The following DUSP19 variants were observed in gnomAD, a reference collection of about 807,000 sequenced individuals.
The protein encoded by DUSP19 is dual specificity phosphatase 19.
DUSP19 carries 14 observed loss-of-function variants against 16.6 expected under a neutral mutation model. That is an observed-to-expected ratio of 0.84 (90% CI 0.56 to 1.32). The LOEUF (loss-of-function observed/expected upper bound fraction) is 1.32, where lower values mean the gene tolerates loss of function less well. DUSP19 is among the 40% of genes most tolerant of loss of function. The pLI is 0.00. For synonymous variants in DUSP19, 81 were observed against 90.5 expected (o/e 0.90, Z 0.59); for missense variants, 258 against 255.9 (o/e 1.01, Z -0.06).
chr2:183,094,526 A>C (rs182407601), intron 3 of DUSP19, among the ~76,000 whole-genome samples: 2 of 152,302 alleles, frequency 1.3e-5, no homozygotes, highest in East Asian at 3.9e-4. Flanking sequence ...AAGCTGTATC[A>C]ATGCTGTCCC....
At chr2:183,087,615 T>C (rs3748880) in intron 3 of DUSP19, among the ~76,000 whole-genome samples, 17,530 of 152,260 alleles carry the variant, frequency 0.12, 1,210 homozygotes, top group African/African-American at 0.19. Context: ...CAATAGCCAA[T>C]GTCATATAGT....
chr2:183,086,601 G>C (rs562204791), intron 2 of DUSP19, among the ~76,000 whole-genome samples: 1 of 146,134 alleles, frequency 6.8e-6, no homozygotes, highest in African/African-American at 2.6e-5. Context: ...GAGGCCAGGA[G>C]TTCGAGACCA....
At chr2:183,085,897 G>A (rs72890352) in intron 2 of DUSP19, among the ~76,000 whole-genome samples, 3,601 of 106,426 alleles carry the variant, frequency 0.034, 82 homozygotes, top group Middle Eastern at 0.06. Context: ...GCAGAGTCTC[G>A]CTCATTTGCT....
At chr2:183,082,264 GA>G (rs921257470) in intron 1 of DUSP19, among the ~76,000 whole-genome samples, 45 of 150,670 alleles carry the variant, frequency 3.0e-4, no homozygotes, top group Non-Finnish European at 4.9e-4. Flanking sequence ...GCATAAAGAA[GA>G]AAAAAAAATC....
Position 183,099,347 on chromosome 2 carries a change from T to A in DUSP19, c.*3689T>A, listed in dbSNP as rs2105510626. On this transcript the variant is annotated 3_prime_UTR_variant, in exon 4 of 4. Coordinates refer to ENST00000354221, the MANE Select transcript of DUSP19 (RefSeq NM_080876.4). Reference sequence around the variant, plus strand: ...GTTCCAGGTGACTCTAAATAGTTGATTTTTCTGCCTGAAGGATCCTGAACA... The same window carrying A: ...GTTCCAGGTGACTCTAAATAGTTGAATTTTCTGCCTGAAGGATCCTGAACA... 1 of 152,320 alleles carries A rather than the reference T, an allele frequency of 6.6e-6. No homozygotes were observed. The allele number at this position is 152,320 out of a possible 1,614,324, so 9.4% of individuals were successfully genotyped here.
At position 183,078,998 on chromosome 2, in the gene DUSP19, G is replaced by A; in HGVS notation, c.65G>A (p.Arg22Lys). Residue 22 changes from arginine (R) to lysine (K), a missense_variant, in exon 1 of 4, where the codon AGG (arginine) becomes AAG (lysine). By Grantham distance (26) the Arg-to-Lys change is conservative. Coordinates refer to ENST00000354221, the MANE Select transcript of DUSP19 (RefSeq NM_080876.4). ...AATAATCTCAGGAAGCAATGCACCA[G>A]GGTGACAACGCTAACTGGAAAGAAA... ...SRNNLRKQCTRVTTLTGKKII... is the reference protein window; with the variant it reads ...SRNNLRKQCTKVTTLTGKKII... 1 of 1,614,160 alleles carries A rather than the reference G, an allele frequency of 6.2e-7. No homozygotes were observed.
intron 3 of DUSP19, among the ~76,000 whole-genome samples, chr2:183,088,290 A>T (rs949265922): frequency 1.3e-5 from 2 of 152,040 alleles, no homozygotes; most frequent in African/African-American, 4.8e-5. Context: ...CCACGAAGAA[A>T]CTGCCTAACA....
At chr2:183,090,559 GA>G (rs1699719187) in intron 3 of DUSP19, among the ~76,000 whole-genome samples, 1 of 152,142 alleles carries the variant, frequency 6.6e-6, no homozygotes, top group African/African-American at 2.4e-5. Flanking sequence ...GTTCTTTGTA[GA>G]AAAAATGGAA....
chr2:183,079,517 A>G (rs1699565417), intron 1 of DUSP19, among the ~76,000 whole-genome samples: 1 of 152,218 alleles, frequency 6.6e-6, no homozygotes, highest in Non-Finnish European at 1.5e-5. Context: ...TGTTTGTATC[A>G]GGCAGAACTA....
intron 3 of DUSP19, among the ~76,000 whole-genome samples, chr2:183,091,155 A>G (rs1699727592): frequency 6.6e-6 from 1 of 152,158 alleles, no homozygotes; most frequent in African/African-American, 2.4e-5. Flanking sequence ...TGAGACATGT[A>G]AGCTGTTTGT....
intron 2 of DUSP19, among the ~76,000 whole-genome samples, chr2:183,083,874 C>T (rs1159893598): frequency 6.6e-6 from 1 of 152,144 alleles, no homozygotes; most frequent in Non-Finnish European, 1.5e-5. Flanking sequence ...TTGTCCAAGA[C>T]CTGTCCATAC....
intron 3 of DUSP19, among the ~76,000 whole-genome samples, chr2:183,090,856 G>A (rs1699723140): frequency 6.6e-6 from 1 of 152,302 alleles, no homozygotes; most frequent in Admixed American, 6.5e-5. Context: ...CTATGTACAG[G>A]CCCACCCGGC....
At position 183,092,938 on chromosome 2, in the gene DUSP19, G is replaced by A. The variant is rs1387919025; in HGVS notation, c.427-2493G>A. On this transcript the variant is annotated intron_variant, in intron 3 of 3. Transcript: ENST00000354221. ...AGGCTGGTCTCGGACTCCTGACCTT[G>A]TGATCCACCCGCCTCAGCCTCCCAA... Among the ~76,000 whole-genome samples, 3 of 152,002 alleles carry A rather than the reference G, an allele frequency of 2.0e-5. No homozygotes were observed. In the South Asian group the frequency reaches 6.2e-4, roughly 32 times the overall value.
intron 2 of DUSP19, among the ~76,000 whole-genome samples, chr2:183,084,304 G>T (rs942723187): frequency 1.3e-5 from 2 of 152,072 alleles, no homozygotes; most frequent in Admixed American, 1.3e-4. Context: ...TAGACAGCCT[G>T]TAATCCCAAG....
At chr2:183,083,384 T>G in intron 1 of DUSP19, 124 bp from the exon 2 acceptor site, 1 of 843,364 alleles carries the variant, frequency 1.2e-6, no homozygotes. Flanking sequence ...CTTCAGAAAG[T>G]TGGACTAAGG....
intron 3 of DUSP19, among the ~76,000 whole-genome samples, chr2:183,091,727 C>T (rs1699734346): frequency 6.6e-6 from 1 of 152,204 alleles, no homozygotes. Flanking sequence ...CAGCAAATTT[C>T]CCATCTGCAT....
rs71008261 is a variant in DUSP19, at chr2:183,085,847, G to GTTTTTTT, written c.274-1163_274-1157dup. ...GTACAGATGTGGACAAGGTTGTTAG[G>GTTTTTTT]TTTTTTTTTTTTTTTTTTTTTTTTT... On this transcript the variant is annotated intron_variant, in intron 2 of 3. Transcript: ENST00000354221. 1.6e-4 allele frequency among the ~76,000 whole-genome samples: 8 copies of GTTTTTTT among 50,876 alleles called. 3 individuals are homozygous for GTTTTTTT. Among genetic ancestry groups the GTTTTTTT allele is most frequent in the Admixed American group, 7.3e-4 (2 of 2,724 alleles). 33.4% of individuals were successfully genotyped at this position (50,876 alleles called of 152,430 possible). A position where few individuals can be genotyped will look rare whatever the true frequency, so the allele number is the denominator to read the frequency against.
intron 3 of DUSP19, among the ~76,000 whole-genome samples, chr2:183,091,212 G>A (rs1008740020): frequency 6.6e-6 from 1 of 151,986 alleles, no homozygotes; most frequent in Admixed American, 6.6e-5. Context: ...AGACATTATG[G>A]GTCTAAATAA....
At position 183,096,184 on chromosome 2, in the gene DUSP19, C is replaced by T. The variant is rs1331689419; in HGVS notation, c.*526C>T. 6.6e-6 allele frequency: 1 copy of T among 151,570 alleles called. No individual in the cohort carries two copies. Among genetic ancestry groups the T allele is most frequent in the African/African-American group, 2.4e-5 (1 of 41,302 alleles). 9.4% of individuals were successfully genotyped at this position (151,570 alleles called of 1,614,324 possible). A position where few individuals can be genotyped will look rare whatever the true frequency, so the allele number is the denominator to read the frequency against. Reference sequence around the variant, plus strand: ...ATTTACACAGTGGCTACAATATTCACAAAATTCTTATGTTCTCTTATGAAA... The same window carrying T: ...ATTTACACAGTGGCTACAATATTCATAAAATTCTTATGTTCTCTTATGAAA... On this transcript the variant is annotated 3_prime_UTR_variant, in exon 4 of 4. Transcript: ENST00000354221.
Sources: allele counts gnomAD v4.1 joint callset (sites outside exome capture counted in the v4.1 genomes callset), GRCh38; gene constraint gnomAD v4.1.1; transcripts MANE v1.5; gene names NCBI Gene and HGNC (gene_info 2026-07-23, HGNC 2026-07-21).